Variants in OLFM4 observed in about 807,000 individuals in gnomAD.
The protein encoded by OLFM4 is olfactomedin-4.
In OLFM4, 22 loss-of-function variants were observed where a neutral mutation model predicts 25.5. The observed-to-expected ratio is 0.86, with a 90% CI of 0.62 to 1.23. The LOEUF (loss-of-function observed/expected upper bound fraction) is 1.23. OLFM4 is among the 50% of genes most tolerant of loss of function. The probability of loss-of-function intolerance (pLI) is 0.00; values close to 1 mark genes in which losing one functional copy is unlikely to be tolerated. For synonymous variants in OLFM4, 255 were observed against 237.7 expected (o/e 1.07, Z -0.67); for missense variants, 594 against 619.4 (o/e 0.96, Z 0.44).
chr13:53,043,060 A>C, intron 3 of OLFM4, 45 bp from the exon 4 acceptor site: 2 of 1,473,458 alleles, frequency 1.4e-6, no homozygotes, highest in Non-Finnish European at 1.8e-6. Flanking sequence ...TTATGAAAGA[A>C]ATTGCACCAT....
At chr13:53,032,607 TCTC>T (rs969289795) in intron 1 of OLFM4, among the ~76,000 whole-genome samples, 2 of 152,066 alleles carry the variant, frequency 1.3e-5, no homozygotes, top group Non-Finnish European at 1.5e-5. Flanking sequence ...TCTGCTTGTT[TCTC>T]CTCCCTACTC....
intron 2 of OLFM4, among the ~76,000 whole-genome samples, chr13:53,034,908 T>A (rs539348281): frequency 1.6e-3 from 239 of 152,292 alleles, no homozygotes; most frequent in African/African-American, 5.6e-3. Context: ...TTCTATTCTA[T>A]CTCCCTTCTC....
chr13:53,050,273 C>T lies in OLFM4; in HGVS notation c.1035C>T (p.Thr345=), dbSNP rs35787155. ...ACATGTACGTCAACATGTACAACAC[C>T]GGGAATATTGCCAGAGTTAACCTGA... is the stretch of plus-strand genomic sequence containing the variant. ...NNNMYVNMYN[T]GNIARVNLTT... is the part of the protein sequence containing the mutation. Residue 345 remains threonine (T), a synonymous_variant, in exon 5 of 5, where the codon ACC becomes ACT. Transcript: ENST00000219022. 9,387 of 1,613,980 alleles carry T rather than the reference C, an allele frequency of 5.8e-3. 35 individuals are homozygous for T. The highest frequency in any genetic ancestry group is 6.9e-3 in the Non-Finnish European group (8,141 of 1,179,932).
intron 1 of OLFM4, among the ~76,000 whole-genome samples, chr13:53,033,787 G>A (rs986095746): frequency 2.6e-5 from 4 of 152,144 alleles, no homozygotes; most frequent in South Asian, 2.1e-4. Flanking sequence ...ATGGCCGGGC[G>A]CGGTGGCTCA....
At chr13:53,044,505 T>C (rs1473516428) in intron 4 of OLFM4, among the ~76,000 whole-genome samples, 1 of 152,214 alleles carries the variant, frequency 6.6e-6, no homozygotes, top group Non-Finnish European at 1.5e-5. Flanking sequence ...AATTATTAAA[T>C]AGGTATAGCC....
At position 53,050,204 on chromosome 13, in the gene OLFM4, G is replaced by T. The variant is rs750213819; in HGVS notation, c.966G>T (p.Arg322=). Residue 322 remains arginine (R), a synonymous_variant, in exon 5 of 5, where the codon CGG becomes CGT. Transcript: ENST00000219022. ...LLLYINAREL[R]ITYGQGSGTA... ...TGTATATAAATGCTCGAGAGTTGCG[G>T]ATCACCTATGGCCAAGGTAGTGGTA... is the stretch of plus-strand genomic sequence containing the variant. 3 of 1,613,986 alleles carry T rather than the reference G, an allele frequency of 1.9e-6. No homozygotes were observed. The highest frequency in any genetic ancestry group is 2.2e-5 in the East Asian group (1 of 44,870).
intron 4 of OLFM4, among the ~76,000 whole-genome samples, chr13:53,049,171 G>A (rs1024327953): frequency 6.6e-6 from 1 of 152,110 alleles, no homozygotes; most frequent in Non-Finnish European, 1.5e-5. Flanking sequence ...TGGCACAATA[G>A]CATATGGGTT....
intron 4 of OLFM4, among the ~76,000 whole-genome samples, chr13:53,046,493 A>G (rs995090081): frequency 2.0e-5 from 3 of 152,170 alleles, no homozygotes; most frequent in African/African-American, 7.2e-5. Context: ...GAAAAACCAG[A>G]TATGTAGCAG....
intron 1 of OLFM4, among the ~76,000 whole-genome samples, chr13:53,032,488 C>G (rs1045314933): frequency 1.3e-5 from 2 of 152,112 alleles, no homozygotes; most frequent in Non-Finnish European, 2.9e-5. Context: ...TCAAGGGAAG[C>G]TGGCCTCTCT....
intron 2 of OLFM4, among the ~76,000 whole-genome samples, chr13:53,038,745 C>T (rs529761985): frequency 1.3e-5 from 2 of 152,336 alleles, no homozygotes; most frequent in Admixed American, 1.3e-4. Flanking sequence ...CAAGACTGCA[C>T]CTCCCAGGAG....
intron 2 of OLFM4, among the ~76,000 whole-genome samples, chr13:53,037,769 T>A: frequency 6.6e-6 from 1 of 152,328 alleles, no homozygotes; most frequent in East Asian, 1.9e-4. Flanking sequence ...CTTTGAAACA[T>A]ATATTGAAAA....
chr13:53,039,492 G>A (rs1051558265), intron 2 of OLFM4, among the ~76,000 whole-genome samples: 5 of 152,118 alleles, frequency 3.3e-5, no homozygotes, highest in Non-Finnish European at 7.4e-5. Flanking sequence ...AAATAACCAT[G>A]TAACAACAGG....
chr13:53,039,582 T>C (rs1954677195), intron 2 of OLFM4, among the ~76,000 whole-genome samples: 2 of 152,222 alleles, frequency 1.3e-5, no homozygotes, highest in Non-Finnish European at 2.9e-5. Flanking sequence ...AATCTAGACT[T>C]GATTTAAAGT....
chr13:53,030,613 T>C (rs545685545), intron 1 of OLFM4, among the ~76,000 whole-genome samples: 1 of 152,318 alleles, frequency 6.6e-6, no homozygotes, highest in South Asian at 2.1e-4. Context: ...TATTATCTTA[T>C]TTAACCCTAA....
chr13:53,030,030 G>A (rs545110720), intron 1 of OLFM4, among the ~76,000 whole-genome samples: 2 of 152,152 alleles, frequency 1.3e-5, no homozygotes, highest in Non-Finnish European at 2.9e-5. Context: ...CTGGGCCAAA[G>A]CTTCTCTCTC....
chr13:53,041,817 A>C, intron 2 of OLFM4, 93 bp from the exon 3 acceptor site: 1 of 780,062 alleles, frequency 1.3e-6, no homozygotes, highest in Non-Finnish European at 2.2e-6. Context: ...ATTGGCAAGA[A>C]TCAAATAGTT....
chr13:53,039,544 C>T (rs1158004317), intron 2 of OLFM4, among the ~76,000 whole-genome samples: 1 of 152,164 alleles, frequency 6.6e-6, no homozygotes, highest in Non-Finnish European at 1.5e-5. Flanking sequence ...ATTTATATAG[C>T]ATTTACATTG....
intron 3 of OLFM4, 50 bp from the exon 4 acceptor site, chr13:53,043,055 A>G: frequency 6.9e-7 from 1 of 1,444,432 alleles, no homozygotes; most frequent in Non-Finnish European, 9.4e-7. Context: ...AATGTTTATG[A>G]AAGAAATTGC....
intron 1 of OLFM4, among the ~76,000 whole-genome samples, chr13:53,030,584 A>T (rs748312899): frequency 2.0e-5 from 3 of 152,158 alleles, no homozygotes; most frequent in Non-Finnish European, 2.9e-5. Flanking sequence ...TACAGGCATG[A>T]GCCACCGCAC....
Sources: gnomAD v4.1 joint callset for allele counts (sites outside exome capture counted in the v4.1 genomes callset) on GRCh38, gnomAD v4.1.1 for gene constraint, MANE v1.5 for transcripts, NCBI Gene and HGNC (gene_info 2026-07-23, HGNC 2026-07-21) for gene names.